Variants in RMND5B observed in about 807,000 individuals in gnomAD.
RMND5B encodes the protein required for meiotic nuclear division 5 homolog B.
In RMND5B, 42 loss-of-function variants were observed where a neutral mutation model predicts 50.4. That is an observed-to-expected ratio of 0.83 (90% CI 0.65 to 1.08). RMND5B has a LOEUF of 1.08. Ranked by LOEUF, RMND5B falls within the 50% of genes least tolerant of loss-of-function variation. RMND5B has a pLI of 0.00. For synonymous variants in RMND5B, 220 were observed against 210.0 expected, an observed-to-expected ratio of 1.05 and a Z score of -0.41; for missense variants, 463 against 508.5, an observed-to-expected ratio of 0.91 and a Z score of 0.86.
Position 178,147,871 on chromosome 5 carries a change from T to C in RMND5B, c.1106T>C (p.Ile369Thr). 6.2e-7 allele frequency: 1 copy of C among 1,614,112 alleles called. No individual in the cohort carries two copies. The highest frequency in any genetic ancestry group is 1.7e-5 in the Admixed American group (1 of 60,000). The change falls in exon 10 of 11, where the codon ATT becomes ACT. Residue 369 changes from isoleucine (I) to threonine (T), a missense_variant. Ile to Thr is a moderately conservative substitution (Grantham distance 89). Transcript: ENST00000313386. ...TCCCGAGATGCACTCAATAAGCTCA[T>C]TAATGGAGGAAAGTAAGTTCCCCGT... ...VISRDALNKL[I>T]NGGKLKCPYC...
Position 178,143,989 on chromosome 5 carries a change from T to A in RMND5B, c.575T>A (p.Leu192Gln). ...CGCCTGCTGGAACTCAACAGCTCCCTGGAGTTCAAGCTGCACCGACTGCAC... is the reference window on the plus strand; with the variant it reads ...CGCCTGCTGGAACTCAACAGCTCCCAGGAGTTCAAGCTGCACCGACTGCAC... ...RQRLLELNSS[L>Q]EFKLHRLHFI... Residue 192 changes from leucine to glutamine, a missense_variant, in exon 7 of 11, where the codon CTG (leucine) becomes CAG (glutamine). Coordinates refer to ENST00000313386, the MANE Select transcript of RMND5B (RefSeq NM_022762.5). The A allele has an allele frequency of 3.1e-6, 5 of 1,614,242 alleles. No individual in the cohort carries two copies. Among genetic ancestry groups the A allele is most frequent in the Non-Finnish European group, 4.2e-6 (5 of 1,180,032 alleles).
rs75894277 is a variant in RMND5B at position 178,137,590 on chromosome 5, A to C, written c.-12-518A>C. On this transcript the variant is annotated intron_variant, in intron 2 of 10. Coordinates refer to ENST00000313386, the MANE Select transcript of RMND5B (RefSeq NM_022762.5). This position sits in a 1 kb window ranked among gnomAD's most constrained non-coding sequence, Gnocchi z 4.4. ...TGTGGTCCCAGCTAGTCAGGAGGCTAAAGTGGGAGAATCCCTTGGGCCTGG... is the reference window on the plus strand; with the variant it reads ...TGTGGTCCCAGCTAGTCAGGAGGCTCAAGTGGGAGAATCCCTTGGGCCTGG... 5.5e-4 allele frequency among the ~76,000 whole-genome samples: 83 copies of C among 152,244 alleles called. No homozygotes were observed. Among genetic ancestry groups the C allele is most frequent in the Admixed American group, 1.9e-3 (29 of 15,298 alleles).
intron 7 of RMND5B, 28 bp downstream of exon 7, chr5:178,144,136 C>T (rs1755850646): frequency 6.2e-7 from 1 of 1,604,318 alleles, no homozygotes; most frequent in Non-Finnish European, 8.5e-7. Flanking sequence ...TGGGGTTGTG[C>T]TGCCTGGCCT....
rs745679814 is a variant in RMND5B at position 178,147,611 on chromosome 5, C to G, written c.939C>G (p.Val313=). 1.9e-6 allele frequency: 3 copies of G among 1,614,026 alleles called. No individual in the cohort carries two copies. The highest frequency in any genetic ancestry group is 1.7e-5 in the Admixed American group (1 of 59,992). ...AVIEQRQCTG[V]WNHKDELPIE... ...TTGAGCAGCGGCAGTGCACTGGGGTCTGGAATCACAAGGACGAGTTACCGG... is the reference window on the plus strand; with the variant it reads ...TTGAGCAGCGGCAGTGCACTGGGGTGTGGAATCACAAGGACGAGTTACCGG... Residue 313 remains valine, a synonymous_variant, in exon 9 of 11, where the codon GTC becomes GTG. Coordinates refer to ENST00000313386, the MANE Select transcript of RMND5B (RefSeq NM_022762.5).
At chr5:178,145,925 C>T (rs1424486508) in intron 7 of RMND5B, 189 bp from the exon 8 acceptor site, 2 of 576,038 alleles carry the variant, frequency 3.5e-6, no homozygotes, top group Non-Finnish European at 6.2e-6. Flanking sequence ...GCAGCCTGGA[C>T]CTCCACCTCC....
rs199566204 is a variant in RMND5B, at chr5:178,146,149, C to T, written c.730C>T (p.Arg244Trp). The change falls in exon 8 of 11, where the codon CGG (arginine) becomes TGG (tryptophan). Residue 244 changes from arginine to tryptophan, a missense_variant. Transcript: ENST00000313386. ...GATGATGGGCAGCCTGGTGTACCTG[C>T]GGCTGGGCTTGGAGAAGTCACCCTA... ...QVMMGSLVYL[R>W]LGLEKSPYCH... 6.8e-6 allele frequency: 11 copies of T among 1,614,110 alleles called. No individual in the cohort carries two copies. Among genetic ancestry groups the T allele is most frequent in the African/African-American group, 4.0e-5 (3 of 75,048 alleles).
At position 178,138,244 on chromosome 5, in the gene RMND5B, A is replaced by C. The variant is rs745388293; in HGVS notation, c.125A>C (p.Glu42Ala). ...LLHYVGQLRA[E>A]LASAALQGTP... ...CACTACGTGGGCCAGCTGCGGGCTG[A>C]GCTGGCCAGCGCAGGTGGGTGGCCA... Residue 42 changes from glutamate (E) to alanine (A), a missense_variant, in exon 3 of 11, where the codon GAG becomes GCG. Glu to Ala is a moderately radical substitution (Grantham distance 107). Transcript: ENST00000313386. This position sits in a 1 kb window ranked among gnomAD's most constrained non-coding sequence, Gnocchi z 5.1. The C allele has an allele frequency of 6.2e-7, 1 of 1,613,462 alleles. No homozygotes were observed. The highest frequency in any genetic ancestry group is 8.5e-7 in the Non-Finnish European group (1 of 1,179,694).
chr5:178,135,940 G>T (rs1411828266), intron 2 of RMND5B: 2 of 152,124 alleles, frequency 1.3e-5, no homozygotes, highest in African/African-American at 4.8e-5. Flanking sequence ...CGAGCTCTGT[G>T]GTTAATTTTC....
chr5:178,135,274 T>C (rs1297155133), intron 2 of RMND5B: 1 of 232,428 alleles, frequency 4.3e-6, no homozygotes, highest in South Asian at 3.8e-5. Flanking sequence ...CTCAGCCTTC[T>C]GAGGAGCTGG....
Position 178,142,628 on chromosome 5 carries a change from C to T in RMND5B, c.185C>T (p.Ser62Leu). ...TCAGCCACCCTCTCTCTGGTGATGT[C>T]ACAGTGCTGCCGGAAGATCAAAGAT... ...PLSATLSLVM[S>L]QCCRKIKDTV... Residue 62 changes from serine to leucine, a missense_variant, in exon 4 of 11, where the codon TCA (serine) becomes TTA (leucine). Coordinates refer to ENST00000313386, the MANE Select transcript of RMND5B (RefSeq NM_022762.5). 6.2e-7 allele frequency: 1 copy of T among 1,614,144 alleles called. No homozygotes were observed. The highest frequency in any genetic ancestry group is 2.2e-5 in the East Asian group (1 of 44,890).
At chr5:178,136,125 C>G (rs1758611402) in intron 2 of RMND5B, 1 of 152,176 alleles carries the variant, frequency 6.6e-6, no homozygotes, top group Non-Finnish European at 1.5e-5. Flanking sequence ...AGTTCAGTTC[C>G]CAGCTCCTCC....
intron 6 of RMND5B, 34 bp downstream of exon 6, chr5:178,143,761 T>G: frequency 6.6e-7 from 1 of 1,525,228 alleles, no homozygotes; most frequent in South Asian, 1.1e-5. Context: ...AGCAGCATTC[T>G]GCTTCGACCT....
chr5:178,147,658 G>C (rs761264323), intron 9 of RMND5B, 23 bp downstream of exon 9: 1 of 1,614,020 alleles, frequency 6.2e-7, no homozygotes, highest in Non-Finnish European at 8.5e-7. Flanking sequence ...CTGGGGAATC[G>C]TGGGCAAGAG....
intron 7 of RMND5B, among the ~76,000 whole-genome samples, chr5:178,145,500 A>G (rs1755946476): frequency 6.6e-6 from 1 of 151,662 alleles, no homozygotes; most frequent in Non-Finnish European, 1.5e-5. Flanking sequence ...CTCAAAAAAA[A>G]AAAAAAACAC....
chr5:178,131,536 A>G (rs184715785), intron 2 of RMND5B, among the ~76,000 whole-genome samples, 160 bp downstream of exon 2: 58 of 151,756 alleles, frequency 3.8e-4, no homozygotes, highest in African/African-American at 1.2e-3. Flanking sequence ...GGTTAATGAG[A>G]AAAGAAAGAT....
chr5:178,141,737 A>C (rs1230838671), intron 3 of RMND5B: 1 of 152,126 alleles, frequency 6.6e-6, no homozygotes, highest in African/African-American at 2.4e-5. Flanking sequence ...ATAAAGTCCA[A>C]CTCAGCGGTT....
chr5:178,147,566 G>C lies in RMND5B; in HGVS notation c.894G>C (p.Leu298Phe). The stretch of plus-strand genomic sequence containing the variant: ...CTGGCTGTGTGGCGCTGCCTGTGTT[G>C]ATGAACATCAAGGCTGTGATTGAGC... ...FASGCVALPVLMNIKAVIEQR... is the reference protein window; with the variant it reads ...FASGCVALPVFMNIKAVIEQR... The change falls in exon 9 of 11, where the codon TTG (leucine) becomes TTC (phenylalanine). Residue 298 changes from leucine to phenylalanine, a missense_variant. By Grantham distance (22) the Leu-to-Phe change is conservative (BLOSUM62 0). Transcript: ENST00000313386. 1 of 1,614,106 alleles carries C rather than the reference G, an allele frequency of 6.2e-7. No individual in the cohort carries two copies. Among genetic ancestry groups the C allele is most frequent in the Non-Finnish European group, 8.5e-7 (1 of 1,180,018 alleles).
At chr5:178,147,053 A>G (rs1444930580) in intron 8 of RMND5B, 1 of 178,968 alleles carries the variant, frequency 5.6e-6, no homozygotes, top group African/African-American at 2.4e-5. Context: ...TGGGGTATTC[A>G]GCACCTGAGG....
chr5:178,141,904 T>A (rs910026826), intron 3 of RMND5B: 1 of 152,356 alleles, frequency 6.6e-6, no homozygotes, highest in East Asian at 1.9e-4. Context: ...CTCTATAGAT[T>A]TGCCTATTTT....
Sources: gnomAD v4.1 joint callset for allele counts (sites outside exome capture counted in the v4.1 genomes callset) on GRCh38, gnomAD v4.1.1 for gene constraint, Gnocchi (gnomAD v3.1) non-coding constraint, MANE v1.5 for transcripts, NCBI Gene and HGNC (gene_info 2026-07-23, HGNC 2026-07-21) for gene names.